CLSTN1: variants seen among roughly 807,000 people sequenced by gnomAD.
The protein encoded by CLSTN1 is calsyntenin 1.
A neutral mutation model predicts 108.3 loss-of-function variants in CLSTN1; 28 were observed. The ratio of observed to expected loss-of-function variants is 0.26; its 90% CI spans 0.19 to 0.35. The LOEUF (loss-of-function observed/expected upper bound fraction) is 0.35. CLSTN1 is among the 10% of genes least tolerant of loss of function. The pLI is 1.00. For missense variants in CLSTN1, 1,157 were observed against 1,302.6 expected (o/e 0.89, Z 1.72); for synonymous variants, 524 against 534.9 (o/e 0.98, Z 0.28).
rs1650174002 is a variant in CLSTN1 at position 9,729,157 on chromosome 1, A to G, written c.*1351T>C. 1 of 152,278 alleles carries G rather than the reference A, an allele frequency of 6.6e-6. No homozygotes were observed. Among genetic ancestry groups the G allele is most frequent in the Non-Finnish European group, 1.5e-5 (1 of 68,060 alleles). The allele number at this position is 152,278 out of a possible 1,614,324, so 9.4% of individuals were successfully genotyped here. A position where few individuals can be genotyped will look rare whatever the true frequency, so the allele number is the denominator to read the frequency against. On this transcript the variant is annotated 3_prime_UTR_variant, in exon 19 of 19. Coordinates refer to ENST00000377298, the MANE Select transcript of CLSTN1 (RefSeq NM_001009566.3). The stretch of plus-strand genomic sequence containing the variant: ...GGGCGTGAGCGTCTGTCCGCTGTCT[A>G]AACAGAGCAGCTACAGGGACGGGAC...
rs1650619616 is a variant in CLSTN1, at chr1:9,735,193, G to A, written c.1884-19C>T. 4.3e-6 allele frequency: 7 copies of A among 1,612,178 alleles called. No individual in the cohort carries two copies. In the South Asian group the frequency reaches 7.7e-5, roughly 18 times the overall value. ...AAAACACCTGCCAGCAAGAAATGGG[G>A]AAGGGTCAGGGCTTTGGGAGCCGAT... On this transcript the variant is annotated intron_variant, in intron 13 of 18. Transcript: ENST00000377298.
chr1:9,820,407 T>C (rs1427009404), intron 1 of CLSTN1, among the ~76,000 whole-genome samples: 1 of 152,044 alleles, frequency 6.6e-6, no homozygotes, highest in African/African-American at 2.4e-5. Flanking sequence ...TAGTCCCAGC[T>C]ACTGGTGAGG....
chr1:9,779,885 G>A (rs1220005473), intron 1 of CLSTN1, among the ~76,000 whole-genome samples: 1 of 151,450 alleles, frequency 6.6e-6, no homozygotes, highest in African/African-American at 2.4e-5. Context: ...GTCTCACTCT[G>A]TGGTCCAGGC....
chr1:9,764,070 A>C (rs916102527), intron 2 of CLSTN1, among the ~76,000 whole-genome samples: 1 of 151,776 alleles, frequency 6.6e-6, no homozygotes, highest in Non-Finnish European at 1.5e-5. Context: ...GGCCAAGGGG[A>C]ATCGTGTGTA....
chr1:9,742,118 C>A (rs781699367), intron 9 of CLSTN1, among the ~76,000 whole-genome samples: 1 of 152,092 alleles, frequency 6.6e-6, no homozygotes, highest in Non-Finnish European at 1.5e-5. Flanking sequence ...TTATCTGGGT[C>A]GTAACTCAAA....
At chr1:9,782,609 T>C (rs1653297684) in intron 1 of CLSTN1, among the ~76,000 whole-genome samples, 1 of 152,336 alleles carries the variant, frequency 6.6e-6, no homozygotes, top group South Asian at 2.1e-4. Flanking sequence ...TAGAAATTAT[T>C]TGATTTTTAA....
At chr1:9,804,240 G>A (rs923883035) in intron 1 of CLSTN1, among the ~76,000 whole-genome samples, 1 of 151,698 alleles carries the variant, frequency 6.6e-6, no homozygotes. Flanking sequence ...GCGGGCGCCT[G>A]TAGTCCCAGC....
Position 9,751,552 on chromosome 1 carries a change from G to A in CLSTN1, c.570C>T (p.Ala190=), listed in dbSNP as rs751451789. 6.3e-5 allele frequency: 101 copies of A among 1,614,010 alleles called. 1 individual carries two copies. The Admixed American group carries it at 1.4e-3, about 23-fold the overall frequency. The change falls in exon 5 of 19, where the codon GCC becomes GCT. Residue 190 remains alanine, a synonymous_variant. Coordinates refer to ENST00000377298, the MANE Select transcript of CLSTN1 (RefSeq NM_001009566.3). ...TCTGGCTGAACTGAGGGGAGCAGTC[G>A]GCATCCACGGCCTCCACCCTCAAAA... The part of the protein sequence containing the change: ...DSILRVEAVD[A]DCSPQFSQIC...
chr1:9,821,506 A>G (rs994664297), intron 1 of CLSTN1, among the ~76,000 whole-genome samples: 4 of 152,246 alleles, frequency 2.6e-5, no homozygotes, highest in Non-Finnish European at 5.9e-5. Flanking sequence ...CTAAGAGTCA[A>G]GATGCAATTT....
At chr1:9,805,896 G>C (rs939813651) in intron 1 of CLSTN1, among the ~76,000 whole-genome samples, 1 of 148,328 alleles carries the variant, frequency 6.7e-6, no homozygotes, top group African/African-American at 2.5e-5. Flanking sequence ...AGTTATTTAA[G>C]TCACCATGCA....
At chr1:9,759,224 T>C (rs916802413) in intron 2 of CLSTN1, among the ~76,000 whole-genome samples, 1 of 152,266 alleles carries the variant, frequency 6.6e-6, no homozygotes, top group Admixed American at 6.5e-5. Context: ...TTTTTAATAG[T>C]ACTTCATAAC....
rs910557777 is a variant in CLSTN1, at chr1:9,780,169, T to C, written c.92-6775A>G. Reference sequence around the variant, plus strand: ...GGCATCCGGCCTCCAATCTTTCATTTTAAAGCAAAAATTGCTAGTTCAATT... The same window carrying C: ...GGCATCCGGCCTCCAATCTTTCATTCTAAAGCAAAAATTGCTAGTTCAATT... On this transcript the variant is annotated intron_variant, in intron 1 of 18. Coordinates refer to ENST00000377298, the MANE Select transcript of CLSTN1 (RefSeq NM_001009566.3). Among the ~76,000 whole-genome samples the C allele has an allele frequency of 2.6e-5, 4 of 152,216 alleles. No homozygotes were observed. The East Asian group carries it at 7.7e-4, about 29-fold the overall frequency.
chr1:9,778,803 T>C (rs1395714431), intron 1 of CLSTN1, among the ~76,000 whole-genome samples: 2 of 151,340 alleles, frequency 1.3e-5, no homozygotes, highest in Non-Finnish European at 2.9e-5. Flanking sequence ...TCACCTGAGG[T>C]CAGGAGTTCG....
At chr1:9,789,637 A>G (rs1265837200) in intron 1 of CLSTN1, among the ~76,000 whole-genome samples, 1 of 151,540 alleles carries the variant, frequency 6.6e-6, no homozygotes, top group Non-Finnish European at 1.5e-5. Context: ...AAAAGATAAC[A>G]ACTCTTTTTA....
rs778724243 is a variant in CLSTN1, at chr1:9,823,444, G to T, written c.91+199C>A. On this transcript the variant is annotated intron_variant, in intron 1 of 18. Coordinates refer to ENST00000377298, the MANE Select transcript of CLSTN1 (RefSeq NM_001009566.3). The surrounding 1 kb of genome is among the most constrained non-coding windows in gnomAD (Gnocchi z 6.3). The stretch of plus-strand genomic sequence containing the variant: ...TCCTGCGCCCTGGCCCCGGCTCCGC[G>T]AGCCCGACCCCCAACCCGAACCCCA... Among the ~76,000 whole-genome samples the T allele has an allele frequency of 6.6e-6, 1 of 151,974 alleles. No homozygotes were observed. The highest frequency in any genetic ancestry group is 1.5e-5 in the Non-Finnish European group (1 of 67,962).
intron 2 of CLSTN1, among the ~76,000 whole-genome samples, chr1:9,757,905 C>G (rs1483915076): frequency 6.6e-6 from 1 of 151,884 alleles, no homozygotes; most frequent in Admixed American, 6.6e-5. Flanking sequence ...GCTAATAGTG[C>G]TACCATTTAT....
intron 1 of CLSTN1, among the ~76,000 whole-genome samples, chr1:9,810,403 G>C (rs1052295001): frequency 6.6e-6 from 1 of 151,122 alleles, no homozygotes; most frequent in Admixed American, 6.6e-5. Flanking sequence ...TTGAAGCCGG[G>C]AGGCAGAGGT....
In CLSTN1 at chr1:9,751,644, A is replaced by G. The variant is rs759601198; in HGVS notation, c.478T>C (p.Tyr160His). The change falls in exon 5 of 19, where the codon TAC becomes CAC. Residue 160 changes from tyrosine to histidine, a missense_variant. Coordinates refer to ENST00000377298, the MANE Select transcript of CLSTN1 (RefSeq NM_001009566.3). ...VHIQVNDVNE[Y>H]APVFKEKSYK... ...GACTTCTCCTTGAACACGGGCGCGTACTCATTCACGTCGTTCACCTGAATA... is the reference window on the plus strand; with the variant it reads ...GACTTCTCCTTGAACACGGGCGCGTGCTCATTCACGTCGTTCACCTGAATA... The G allele has an allele frequency of 8.1e-6, 13 of 1,614,006 alleles. No homozygotes were observed.
chr1:9,760,884 C>T (rs1308945449), intron 2 of CLSTN1, among the ~76,000 whole-genome samples: 3 of 151,822 alleles, frequency 2.0e-5, no homozygotes, highest in Admixed American at 2.0e-4. Flanking sequence ...AGGTGCAGCT[C>T]CACCACTCGC....
Sources: allele counts gnomAD v4.1 joint callset (sites outside exome capture counted in the v4.1 genomes callset), GRCh38; gene constraint gnomAD v4.1.1; non-coding constraint Gnocchi (gnomAD v3.1); transcripts MANE v1.5; gene names NCBI Gene and HGNC (gene_info 2026-07-23, HGNC 2026-07-21).